Variants in TESC observed in about 807,000 individuals in gnomAD.
The protein encoded by TESC is calcineurin B homologous protein 3.
In TESC, 19 loss-of-function variants were observed where a neutral mutation model predicts 31.0. The ratio of observed to expected loss-of-function variants is 0.61; its 90% CI spans 0.43 to 0.90. The LOEUF (loss-of-function observed/expected upper bound fraction) is 0.90. Among genes scored for constraint, TESC ranks in the 40% least tolerant of loss-of-function variants. The probability of loss-of-function intolerance (pLI) is 0.00; values close to 1 mark genes in which losing one functional copy is unlikely to be tolerated. For synonymous variants in TESC, 109 were observed against 114.8 expected, an observed-to-expected ratio of 0.95 and a Z score of 0.32; for missense variants, 248 against 303.8, an observed-to-expected ratio of 0.82 and a Z score of 1.36.
At chr12:117,070,523 C>A (rs1273048191) in intron 2 of TESC, among the ~76,000 whole-genome samples, 2 of 152,122 alleles carry the variant, frequency 1.3e-5, no homozygotes, top group Non-Finnish European at 2.9e-5. Flanking sequence ...TATAAACGCA[C>A]CTCCCCCACC....
intron 2 of TESC, among the ~76,000 whole-genome samples, chr12:117,074,361 G>A (rs780744643): frequency 2.0e-5 from 3 of 151,898 alleles, no homozygotes; most frequent in Admixed American, 6.6e-5. Context: ...GAGTGAGACC[G>A]TGTCTCAAAA....
chr12:117,075,484 TG>T (rs2135784811), intron 1 of TESC, 144 bp from the exon 2 acceptor site: 1 of 811,296 alleles, frequency 1.2e-6, no homozygotes, highest in East Asian at 2.7e-5. Flanking sequence ...CAAAAGCGAG[TG>T]CCGGGTGAAG....
chr12:117,061,179 C>G (rs544138564), intron 2 of TESC, among the ~76,000 whole-genome samples: 1 of 152,202 alleles, frequency 6.6e-6, no homozygotes, highest in African/African-American at 2.4e-5. Flanking sequence ...ACTGGGAGTG[C>G]ACCACAGATG....
At chr12:117,068,933 G>T (rs1353886075) in intron 2 of TESC, among the ~76,000 whole-genome samples, 3 of 152,138 alleles carry the variant, frequency 2.0e-5, no homozygotes, top group Non-Finnish European at 4.4e-5. Flanking sequence ...AAGAAAAAGT[G>T]CAAGAAGCTA....
intron 2 of TESC, among the ~76,000 whole-genome samples, chr12:117,062,517 C>T (rs1031944533): frequency 7.9e-5 from 12 of 152,140 alleles, no homozygotes; most frequent in Admixed American, 5.2e-4. Flanking sequence ...CCACTGCACC[C>T]GGCCTGTGCC....
chr12:117,039,244 C>CCCGCCG, intron 7 of TESC, 34 bp from the exon 8 acceptor site: 2 of 1,590,102 alleles, frequency 1.3e-6, no homozygotes, highest in South Asian at 2.3e-5. Context: ...AGGGCACGTT[C>CCCGCCG]CCGCCGCCAC....
intron 3 of TESC, among the ~76,000 whole-genome samples, chr12:117,049,709 T>C (rs568433399): frequency 1.3e-5 from 2 of 152,170 alleles, no homozygotes; most frequent in African/African-American, 2.4e-5. Context: ...GAGACCAGCC[T>C]GGCCAACATG....
chr12:117,054,922 T>A (rs781511027), intron 3 of TESC, among the ~76,000 whole-genome samples: 8 of 152,052 alleles, frequency 5.3e-5, no homozygotes, highest in Non-Finnish European at 1.0e-4. Context: ...GGGGAGGGTA[T>A]ACCCACCCCT....
intron 2 of TESC, among the ~76,000 whole-genome samples, chr12:117,073,684 A>C (rs1955009339): frequency 6.6e-6 from 1 of 152,214 alleles, no homozygotes; most frequent in South Asian, 2.1e-4. Context: ...TGCTTATTTT[A>C]GGAAACTACA....
chr12:117,069,205 A>G (rs941574488), intron 2 of TESC, among the ~76,000 whole-genome samples: 4 of 151,828 alleles, frequency 2.6e-5, no homozygotes, highest in Non-Finnish European at 2.9e-5. Context: ...AGCATATACG[A>G]TTTGGGGGTT....
Position 117,099,379 on chromosome 12 carries a change from G to A in TESC, c.-97C>T, listed in dbSNP as rs1047234241. 1.6e-5 allele frequency: 19 copies of A among 1,214,324 alleles called. No individual in the cohort carries two copies. The highest frequency in any genetic ancestry group is 4.8e-5 in the African/African-American group (3 of 62,692). The allele number at this position is 1,214,324 out of a possible 1,614,324, so 75.2% of individuals were successfully genotyped here. On this transcript the variant is annotated 5_prime_UTR_variant, in exon 1 of 8. Coordinates refer to ENST00000335209, the MANE Select transcript of TESC (RefSeq NM_017899.4). ...GGGACTGGCCTCGGGTCCGGCCTCG[G>A]GTCGGGACGCCGGCGAAGGCTCGGA...
chr12:117,096,854 C>T (rs1021011499), intron 1 of TESC, among the ~76,000 whole-genome samples: 6 of 152,200 alleles, frequency 3.9e-5, no homozygotes, highest in African/African-American at 1.4e-4. Context: ...AGGGCCTCTG[C>T]ATTCGACGTC....
rs534545936 is a variant in TESC, at chr12:117,092,251, G to A, written c.58+6974C>T. On this transcript the variant is annotated intron_variant, in intron 1 of 7. Transcript: ENST00000335209. ...CACAGCCTGGATGAGACATCTGAGC[G>A]AAGTGGCACAGGACGGCTCCAGCAC... 7.9e-5 allele frequency among the ~76,000 whole-genome samples: 12 copies of A among 152,344 alleles called. No individual in the cohort carries two copies. The East Asian group carries it at 1.7e-3, about 22-fold the overall frequency.
chr12:117,039,523 G>A (rs1954450776), intron 7 of TESC, among the ~76,000 whole-genome samples: 1 of 152,010 alleles, frequency 6.6e-6, no homozygotes, highest in African/African-American at 2.4e-5. Context: ...ACCACTTCAG[G>A]TTCTGTGATT....
intron 1 of TESC, among the ~76,000 whole-genome samples, chr12:117,096,095 A>C (rs1043244601): frequency 6.6e-6 from 1 of 152,134 alleles, no homozygotes; most frequent in African/African-American, 2.4e-5. Context: ...GTGGAGCCTG[A>C]TGCTCAGCAG....
chr12:117,092,821 TA>T (rs1428787075), intron 1 of TESC, among the ~76,000 whole-genome samples: 1 of 152,186 alleles, frequency 6.6e-6, no homozygotes, highest in Non-Finnish European at 1.5e-5. Context: ...AAACAATCAA[TA>T]AAAGTAATTG....
chr12:117,095,031 AGAG>A (rs1955372121), intron 1 of TESC, among the ~76,000 whole-genome samples: 1 of 147,172 alleles, frequency 6.8e-6, no homozygotes, highest in Non-Finnish European at 1.5e-5. Flanking sequence ...AAAAAAAAAA[AGAG>A]AGAGAGACAA....
intron 2 of TESC, among the ~76,000 whole-genome samples, chr12:117,073,908 C>T (rs1047606930): frequency 1.4e-5 from 2 of 140,484 alleles, no homozygotes; most frequent in East Asian, 4.0e-4. Flanking sequence ...AGCAAGACCA[C>T]GTCTCAAAAA....
intron 2 of TESC, among the ~76,000 whole-genome samples, chr12:117,058,235 C>G (rs551142077): frequency 3.3e-5 from 5 of 152,040 alleles, no homozygotes; most frequent in South Asian, 2.1e-4. Flanking sequence ...TTTTGAGACT[C>G]CGTCTCAAAA....
Sources: gnomAD v4.1 joint callset for allele counts (sites outside exome capture counted in the v4.1 genomes callset) on GRCh38, gnomAD v4.1.1 for gene constraint, MANE v1.5 for transcripts, NCBI Gene and HGNC (gene_info 2026-07-23, HGNC 2026-07-21) for gene names.